NXPH2: variants seen among roughly 807,000 people sequenced by gnomAD.
NXPH2 encodes the protein neurexophilin 2, also known as neurexophilin-2.
NXPH2 carries 5 observed loss-of-function variants against 19.8 expected under a neutral mutation model. The ratio of observed to expected loss-of-function variants is 0.25; its 90% CI spans 0.13 to 0.53. NXPH2 has a LOEUF of 0.53. Among genes scored for constraint, NXPH2 ranks in the 20% least tolerant of loss-of-function variants. The pLI is 0.96. For synonymous variants in NXPH2, 154 were observed against 127.4 expected (o/e 1.21, Z -1.41); for missense variants, 289 against 322.8 (o/e 0.90, Z 0.80).
chr2:138,703,984 C>T (rs946808819), intron 1 of NXPH2, among the ~76,000 whole-genome samples: 1 of 152,200 alleles, frequency 6.6e-6, no homozygotes, highest in Admixed American at 6.5e-5. Context: ...GACTTTATTA[C>T]ACCACTTGCT....
rs1283736253 is a variant in NXPH2, at chr2:138,780,262, T to C, written c.-21A>G. On this transcript the variant is annotated 5_prime_UTR_variant, in exon 1 of 2. Transcript: ENST00000272641. Reference sequence around the variant, plus strand: ...CGCATGGTGCCGGCTGGCGCGGCTTTTCACGAGCTGCGCGCCCTCGCCTGC... The same window carrying C: ...CGCATGGTGCCGGCTGGCGCGGCTTCTCACGAGCTGCGCGCCCTCGCCTGC... 1 of 1,418,490 alleles carries C rather than the reference T, an allele frequency of 7.0e-7. No individual in the cohort carries two copies. Among genetic ancestry groups the C allele is most frequent in the Non-Finnish European group, 9.1e-7 (1 of 1,096,932 alleles). The allele number at this position is 1,418,490 out of a possible 1,614,324, so 87.9% of individuals were successfully genotyped here.
chr2:138,738,072 C>A (rs867745891), intron 1 of NXPH2, among the ~76,000 whole-genome samples: 1 of 140,304 alleles, frequency 7.1e-6, no homozygotes, highest in Non-Finnish European at 1.5e-5. Flanking sequence ...ACCCCTCCCC[C>A]CACCCCACAA....
rs1024667273 is a variant in NXPH2 at position 138,690,043 on chromosome 2, C to T, written c.52-18378G>A. Among the ~76,000 whole-genome samples, 4 of 152,168 alleles carry T rather than the reference C, an allele frequency of 2.6e-5. No individual in the cohort carries two copies. The East Asian group carries it at 7.7e-4, about 29-fold the overall frequency. ...AATGTAAACTTCCCCTTAACAATGT[C>T]TGTCCCTTACGCGATAATAAGGTCA... On this transcript the variant is annotated intron_variant, in intron 1 of 1. Coordinates refer to ENST00000272641, the MANE Select transcript of NXPH2 (RefSeq NM_007226.3).
chr2:138,772,774 C>T (rs1682199691), intron 1 of NXPH2, among the ~76,000 whole-genome samples: 1 of 152,158 alleles, frequency 6.6e-6, no homozygotes, highest in African/African-American at 2.4e-5. Context: ...GTCCATCACT[C>T]TGGGTGTCAG....
At chr2:138,777,277 G>C (rs1366636711) in intron 1 of NXPH2, among the ~76,000 whole-genome samples, 1 of 151,980 alleles carries the variant, frequency 6.6e-6, no homozygotes, top group Non-Finnish European at 1.5e-5. Flanking sequence ...TGGCAGAAAA[G>C]ATATAACATG....
At chr2:138,731,567 G>T (rs1425339407) in intron 1 of NXPH2, among the ~76,000 whole-genome samples, 5 of 152,028 alleles carry the variant, frequency 3.3e-5, no homozygotes, top group African/African-American at 9.7e-5. Flanking sequence ...TAATCCCTTG[G>T]TAGGTAGGGC....
At chr2:138,679,693 C>A (rs879395265) in intron 1 of NXPH2, among the ~76,000 whole-genome samples, 1 of 152,106 alleles carries the variant, frequency 6.6e-6, no homozygotes, top group Admixed American at 6.5e-5. Context: ...AGCCACTGCG[C>A]CGGGCCGAGG....
rs372939265 is a variant in NXPH2 at position 138,688,180 on chromosome 2, G to A, written c.52-16515C>T. The stretch of plus-strand genomic sequence containing the variant: ...TTCTTCCTATCCATGAGCATGGAAT[G>A]TTATTCCATTTGTTTGTGTTGGAGA... On this transcript the variant is annotated intron_variant, in intron 1 of 1. Transcript: ENST00000272641. 3.9e-5 allele frequency among the ~76,000 whole-genome samples: 6 copies of A among 152,282 alleles called. No homozygotes were observed. The South Asian group carries it at 8.3e-4, about 21-fold the overall frequency.
intron 1 of NXPH2, among the ~76,000 whole-genome samples, chr2:138,754,896 G>T (rs1409144862): frequency 1.3e-5 from 2 of 151,984 alleles, no homozygotes; most frequent in Non-Finnish European, 2.9e-5. Flanking sequence ...AGATTTTGGT[G>T]GATTTTAGGC....
At chr2:138,742,165 TCC>T in intron 1 of NXPH2, among the ~76,000 whole-genome samples, 1 of 152,132 alleles carries the variant, frequency 6.6e-6, no homozygotes, top group South Asian at 2.1e-4. Context: ...TTATTGATCT[TCC>T]AAAGCTCCAG....
In NXPH2 at chr2:138,671,197, G is replaced by T. The variant is rs766294194; in HGVS notation, c.520C>A (p.Gln174Lys). The T allele has an allele frequency of 2.0e-5, 32 of 1,613,658 alleles. No individual in the cohort carries two copies. Among genetic ancestry groups the T allele is most frequent in the South Asian group, 1.2e-4 (11 of 91,078 alleles). ...GATTCCTTGGTCTCCAAGGTAGACT[G>T]GGGGGAAACTTCAAATTCCACCACC... ...SKVVEFEVSP[Q>K]STLETKESKS... The change falls in exon 2 of 2, where the codon CAG (glutamine) becomes AAG (lysine). Residue 174 changes from glutamine to lysine, a missense_variant. Physicochemically the swap from Gln to Lys is moderately conservative, Grantham distance 53. Transcript: ENST00000272641.
At chr2:138,705,041 G>C (rs538310249) in intron 1 of NXPH2, among the ~76,000 whole-genome samples, 180 of 152,224 alleles carry the variant, frequency 1.2e-3, no homozygotes, top group African/African-American at 3.7e-3. Context: ...TGGCCAGGCT[G>C]GTCTCAAACT....
chr2:138,678,859 A>G (rs1407908765), intron 1 of NXPH2, among the ~76,000 whole-genome samples: 1 of 152,152 alleles, frequency 6.6e-6, no homozygotes, highest in African/African-American at 2.4e-5. Flanking sequence ...AGAAAGGATC[A>G]GTCTTTAGGT....
intron 1 of NXPH2, among the ~76,000 whole-genome samples, chr2:138,688,394 C>T (rs1455413339): frequency 1.3e-5 from 2 of 152,156 alleles, no homozygotes; most frequent in Non-Finnish European, 2.9e-5. Context: ...GTTGCCCAGG[C>T]TGGTCTTGAA....
At chr2:138,712,096 A>G (rs1393637290) in intron 1 of NXPH2, among the ~76,000 whole-genome samples, 1 of 152,216 alleles carries the variant, frequency 6.6e-6, no homozygotes, top group African/African-American at 2.4e-5. Context: ...CATCCTGGGC[A>G]GAACTGCCTC....
intron 1 of NXPH2, among the ~76,000 whole-genome samples, chr2:138,687,938 G>A (rs545640889): frequency 1.3e-5 from 2 of 152,180 alleles, no homozygotes; most frequent in Non-Finnish European, 2.9e-5. Context: ...TCTGGTTACT[G>A]TAGCCTTGTA....
intron 1 of NXPH2, among the ~76,000 whole-genome samples, chr2:138,683,140 G>A (rs1680602029): frequency 6.6e-6 from 1 of 152,076 alleles, no homozygotes; most frequent in Admixed American, 6.5e-5. Flanking sequence ...CTCAATACAA[G>A]TTTTGCGAAG....
intron 1 of NXPH2, among the ~76,000 whole-genome samples, chr2:138,721,085 T>A (rs1681271887): frequency 6.6e-6 from 1 of 152,170 alleles, no homozygotes; most frequent in South Asian, 2.1e-4. Flanking sequence ...CTCAGGCCTG[T>A]AATCCCAGCA....
intron 1 of NXPH2, among the ~76,000 whole-genome samples, chr2:138,749,376 A>G (rs1052573052): frequency 6.6e-6 from 1 of 152,134 alleles, no homozygotes; most frequent in Non-Finnish European, 1.5e-5. Context: ...GACCAACACA[A>G]CTAGTAAAGT....
Sources: gnomAD v4.1 joint callset for allele counts (sites outside exome capture counted in the v4.1 genomes callset) on GRCh38, gnomAD v4.1.1 for gene constraint, MANE v1.5 for transcripts, NCBI Gene and HGNC (gene_info 2026-07-23, HGNC 2026-07-21) for gene names.